The following MCM2 variants were observed in gnomAD, a reference collection of about 807,000 sequenced individuals.
MCM2 encodes minichromosome maintenance complex component 2, also known as DNA replication licensing factor MCM2.
In MCM2, 49 loss-of-function variants were observed where a neutral mutation model predicts 86.4. That is an observed-to-expected ratio of 0.57 (90% confidence interval 0.45 to 0.72). MCM2 has a LOEUF of 0.72. Ranked by LOEUF, MCM2 falls within the 30% of genes least tolerant of loss-of-function variation. The pLI is 0.00. For missense variants in MCM2, 1,038 were observed against 1,259.9 expected (o/e 0.82, Z 2.67); for synonymous variants, 475 against 484.6 (o/e 0.98, Z 0.26).
rs1429103802 is a variant in MCM2 at position 127,618,223 on chromosome 3, T to C, written c.2013+142T>C. On this transcript the variant is annotated intron_variant, in intron 12 of 15. Coordinates refer to ENST00000265056, the MANE Select transcript of MCM2 (RefSeq NM_004526.4). The surrounding 1 kb of genome is among the most constrained non-coding windows in gnomAD (Gnocchi z 4.0). ...TTTCTAGTCCTGTTCCCTCGGTCTC[T>C]TCTCATGTCCAGAAGTCGCCCTGAT... The C allele has an allele frequency of 4.7e-6, 3 of 639,186 alleles. No individual in the cohort carries two copies. Among genetic ancestry groups the C allele is most frequent in the Admixed American group, 2.3e-5 (1 of 44,332 alleles). The allele number at this position is 639,186 out of a possible 1,614,324, so 39.6% of individuals were successfully genotyped here. A position where few individuals can be genotyped will look rare whatever the true frequency, so the allele number is the denominator to read the frequency against.
Position 127,622,067 on chromosome 3 carries a change from C to T in MCM2, c.*294C>T, listed in dbSNP as rs371969091. On this transcript the variant is annotated 3_prime_UTR_variant, in exon 16 of 16. Transcript: ENST00000265056. ...TACCTTGGATCAGAGCTGCTGAGTT[C>T]AGGATGCCTGCGTGTGGTTTAGGTG... The T allele has an allele frequency of 7.8e-4, 227 of 291,640 alleles. 3 individuals are homozygous for T. In the South Asian group the frequency reaches 0.012, roughly 15 times the overall value. The allele number at this position is 291,640 out of a possible 1,614,324, so 18.1% of individuals were successfully genotyped here.
intron 2 of MCM2, among the ~76,000 whole-genome samples, chr3:127,603,221 G>C (rs1158610372): frequency 2.0e-5 from 3 of 151,914 alleles, no homozygotes; most frequent in African/African-American, 7.3e-5. Flanking sequence ...GGATGGTCTC[G>C]ATCTCCTGAC....
Position 127,606,188 on chromosome 3 carries a change from G to T in MCM2, c.744G>T (p.Leu248=), listed in dbSNP as rs760232173. 5.6e-6 allele frequency: 9 copies of T among 1,614,120 alleles called. No homozygotes were observed. Among genetic ancestry groups the T allele is most frequent in the South Asian group, 2.2e-5 (2 of 91,092 alleles). Reference sequence around the variant, plus strand: ...GGGAGCACGTGCTGGCCTACTTCCTGCCTGAGGCACCGGCGGAGCTGCTGC... The same window carrying T: ...GGGAGCACGTGCTGGCCTACTTCCTTCCTGAGGCACCGGCGGAGCTGCTGC... The part of the protein sequence containing the change: ...AAREHVLAYF[L]PEAPAELLQI... Residue 248 remains leucine, a synonymous_variant, in exon 5 of 16, where the codon CTG becomes CTT. Coordinates refer to ENST00000265056, the MANE Select transcript of MCM2 (RefSeq NM_004526.4). The surrounding 1 kb of genome is among the most constrained non-coding windows in gnomAD (Gnocchi z 4.2).
chr3:127,608,045 A>C (rs570634872), intron 6 of MCM2, among the ~76,000 whole-genome samples: 1 of 152,374 alleles, frequency 6.6e-6, no homozygotes, highest in Admixed American at 6.5e-5. Flanking sequence ...GTTGCAGAGA[A>C]GGCACAGAGA....
At chr3:127,605,805 C>T (rs2074342800) in intron 4 of MCM2, among the ~76,000 whole-genome samples, 1 of 152,122 alleles carries the variant, frequency 6.6e-6, no homozygotes, top group Non-Finnish European at 1.5e-5. Flanking sequence ...TGCTTTTTGT[C>T]CTGTGTTTGT....
At chr3:127,609,156 T>C (rs2074373951) in intron 8 of MCM2, 133 bp downstream of exon 8, 1 of 910,436 alleles carries the variant, frequency 1.1e-6, no homozygotes, top group Non-Finnish European at 1.7e-6. Flanking sequence ...TAAGCTTGTC[T>C]GGAAGGGAGG....
intron 2 of MCM2, 23 bp downstream of exon 2, chr3:127,599,570 A>T (rs774376718): frequency 2.6e-5 from 42 of 1,593,926 alleles, no homozygotes; most frequent in Non-Finnish European, 3.2e-5. Context: ...AAGGCCCTGG[A>T]CTCAGCAGAT....
At position 127,619,079 on chromosome 3, in the gene MCM2, G is replaced by A; in HGVS notation, c.2066G>A (p.Ser689Asn). ...GGCAGCCACGTCAGACACCACCCCA[G>A]CAACAAGGAGGAGGAGGGGCTGGCC... ...VVGSHVRHHP[S>N]NKEEEGLANG... Residue 689 changes from serine to asparagine, a missense_variant, in exon 13 of 16, where the codon AGC (serine) becomes AAC (asparagine). This residue lies in a region of MCM2 where 336 missense variants were observed against 425.7 expected (regional missense o/e 0.79). Transcript: ENST00000265056. 1 of 1,612,452 alleles carries A rather than the reference G, an allele frequency of 6.2e-7. No individual in the cohort carries two copies. Among genetic ancestry groups the A allele is most frequent in the Admixed American group, 1.7e-5 (1 of 59,908 alleles).
intron 8 of MCM2, among the ~76,000 whole-genome samples, chr3:127,615,091 G>A (rs1380542430): frequency 6.6e-6 from 1 of 152,168 alleles, no homozygotes; most frequent in Non-Finnish European, 1.5e-5. Context: ...TGGTTTTCCT[G>A]CCTTAGTCCC....
chr3:127,613,307 C>G lies in MCM2; in HGVS notation c.1429-2555C>G, dbSNP rs17497076. Reference sequence around the variant, plus strand: ...TCAAGGATTGGCAGTCTTGGCACATCCAGCACGAGGTGTGTTGGGGCATGA... The same window carrying G: ...TCAAGGATTGGCAGTCTTGGCACATGCAGCACGAGGTGTGTTGGGGCATGA... On this transcript the variant is annotated intron_variant, in intron 8 of 15. Transcript: ENST00000265056. Among the ~76,000 whole-genome samples the G allele has an allele frequency of 2.4e-3, 361 of 152,328 alleles. 2 individuals carry two copies. Among genetic ancestry groups the G allele is most frequent in the African/African-American group, 7.9e-3 (327 of 41,572 alleles).
chr3:127,614,538 C>T (rs1282529718), intron 8 of MCM2, among the ~76,000 whole-genome samples: 1 of 152,126 alleles, frequency 6.6e-6, no homozygotes, highest in Non-Finnish European at 1.5e-5. Flanking sequence ...TTCTGTTGAG[C>T]CTTGCAGTCG....
chr3:127,609,116 C>T (rs1267995320), intron 8 of MCM2, 93 bp downstream of exon 8: 3 of 1,326,850 alleles, frequency 2.3e-6, no homozygotes, highest in African/African-American at 2.9e-5. Context: ...GCTCACTGCT[C>T]AAACCTTGCC....
rs747196009 is a variant in MCM2, at chr3:127,621,800, T to C, written c.*27T>C. On this transcript the variant is annotated 3_prime_UTR_variant, in exon 16 of 16. Transcript: ENST00000265056. ...GCCCTATGCCATCCATAAGGATTCC[T>C]TGGGATTCTGGTTTGGGGTGGTCAG... is the stretch of plus-strand genomic sequence containing the variant. 4 of 1,586,526 alleles carry C rather than the reference T, an allele frequency of 2.5e-6. No individual in the cohort carries two copies. Among genetic ancestry groups the C allele is most frequent in the African/African-American group, 2.7e-5 (2 of 74,232 alleles).
chr3:127,607,948 G>T (rs1312313573), intron 6 of MCM2, among the ~76,000 whole-genome samples: 1 of 152,238 alleles, frequency 6.6e-6, no homozygotes, highest in Non-Finnish European at 1.5e-5. Flanking sequence ...ACTTGACAGT[G>T]ACAGCCAAAA....
intron 1 of MCM2, 49 bp from the exon 2 acceptor site, chr3:127,599,268 CA>C: frequency 6.7e-7 from 1 of 1,499,538 alleles, no homozygotes; most frequent in Admixed American, 1.7e-5. Context: ...GAAGCTGTAT[CA>C]TGCCTCACCA....
chr3:127,618,019 G>A lies in MCM2; in HGVS notation c.1951G>A (p.Glu651Lys). ...LTFSENVDLT[E>K]PIISRFDILC... ...TTTCTCTGAGAACGTGGACCTCACA[G>A]AGCCCATCATCTCACGCTTTGACAT... The change falls in exon 12 of 16, where the codon GAG (glutamate) becomes AAG (lysine). Residue 651 changes from glutamate (E) to lysine (K), a missense_variant. Transcript: ENST00000265056. The surrounding 1 kb of genome is among the most constrained non-coding windows in gnomAD (Gnocchi z 4.0). The A allele has an allele frequency of 6.2e-7, 1 of 1,614,106 alleles. No homozygotes were observed. Among genetic ancestry groups the A allele is most frequent in the Non-Finnish European group, 8.5e-7 (1 of 1,179,996 alleles).
At position 127,617,133 on chromosome 3, in the gene MCM2, C is replaced by T. The variant is rs1267718936; in HGVS notation, c.1773+15C>T. 3.7e-6 allele frequency: 6 copies of T among 1,610,298 alleles called. No individual in the cohort carries two copies. The highest frequency in any genetic ancestry group is 1.3e-5 in the African/African-American group (1 of 74,838). On this transcript the variant is annotated intron_variant, in intron 10 of 15. Coordinates refer to ENST00000265056, the MANE Select transcript of MCM2 (RefSeq NM_004526.4). This position sits in a 1 kb window ranked among gnomAD's most constrained non-coding sequence, Gnocchi z 4.1. Reference sequence around the variant, plus strand: ...AATTTGACAAGGTGGGTCCCTGGGTCACGGAGGCTGGTGGAACTCAGGGGG... The same window carrying T: ...AATTTGACAAGGTGGGTCCCTGGGTTACGGAGGCTGGTGGAACTCAGGGGG...
chr3:127,601,176 A>G (rs898190707), intron 2 of MCM2, among the ~76,000 whole-genome samples: 1 of 152,106 alleles, frequency 6.6e-6, no homozygotes, highest in Admixed American at 6.5e-5. Flanking sequence ...TTTTTCTCTT[A>G]GTGTGGTTTT....
intron 8 of MCM2, among the ~76,000 whole-genome samples, chr3:127,611,889 C>T (rs1488343173): frequency 1.4e-5 from 2 of 145,562 alleles, no homozygotes; most frequent in Admixed American, 6.7e-5. Flanking sequence ...TTAGTAGAGA[C>T]GGGGTTTCAC....
Sources: gnomAD v4.1 joint callset for allele counts (sites outside exome capture counted in the v4.1 genomes callset) on GRCh38, gnomAD v4.1.1 for gene constraint, gnomAD v4.1.1 regional missense constraint, Gnocchi (gnomAD v3.1) non-coding constraint, MANE v1.5 for transcripts, NCBI Gene and HGNC (gene_info 2026-07-23, HGNC 2026-07-21) for gene names.